Variants in SUPT16H observed in about 807,000 individuals in gnomAD.
SUPT16H encodes SPT16 homolog, facilitates chromatin remodeling subunit.
Under a neutral mutation model 136.2 loss-of-function variants are expected in SUPT16H, and 24 were observed. The observed-to-expected ratio is 0.18, with a 90% CI of 0.13 to 0.25. The LOEUF (loss-of-function observed/expected upper bound fraction) is 0.25. SUPT16H is among the 10% of genes least tolerant of loss of function. SUPT16H has a pLI of 1.00. For synonymous variants in SUPT16H, 415 were observed against 428.2 expected (o/e 0.97, Z 0.38); for missense variants, 623 against 1,270.2 (o/e 0.49, Z 7.74).
At chr14:21,360,681 A>G in intron 17 of SUPT16H, 148 bp from the exon 18 acceptor site, 1 of 1,244,420 alleles carries the variant, frequency 8.0e-7, no homozygotes, top group Non-Finnish European at 1.1e-6. Flanking sequence ...CAGCAGTGTA[A>G]GTAGATTCCT....
chr14:21,365,794 A>AAAACC (rs1886653357), intron 8 of SUPT16H, among the ~76,000 whole-genome samples: 5 of 150,378 alleles, frequency 3.3e-5, no homozygotes, highest in African/African-American at 1.2e-4. Context: ...AAACCAAAAC[A>AAAACC]AAAAAAAACC....
chr14:21,370,610 A>C, intron 3 of SUPT16H, 122 bp from the exon 4 acceptor site: 1 of 1,084,940 alleles, frequency 9.2e-7, no homozygotes, highest in Non-Finnish European at 1.3e-6. Flanking sequence ...TCCCATCCCC[A>C]CCTACTTTTT....
chr14:21,357,837 T>G, intron 21 of SUPT16H, 90 bp downstream of exon 21: 1 of 1,286,568 alleles, frequency 7.8e-7, no homozygotes, highest in Non-Finnish European at 1.1e-6. Context: ...ATATCAAAAA[T>G]GAAAATGACA....
intron 1 of SUPT16H, among the ~76,000 whole-genome samples, chr14:21,381,405 G>C (rs1214785658): frequency 1.3e-5 from 2 of 152,084 alleles, no homozygotes; most frequent in African/African-American, 4.8e-5. Context: ...AAGCTTAGTA[G>C]CCTATCAGTT....
At chr14:21,372,261 C>G in intron 2 of SUPT16H, 1 of 508,632 alleles carries the variant, frequency 2.0e-6, no homozygotes, top group South Asian at 2.8e-5. Context: ...GTATTATTTT[C>G]TCTACGTTTA....
rs1304991882 is a variant in SUPT16H at position 21,352,555 on chromosome 14, T to C, written c.*118A>G. The C allele has an allele frequency of 9.1e-6, 14 of 1,540,124 alleles. No homozygotes were observed. The highest frequency in any genetic ancestry group is 6.0e-5 in the South Asian group (5 of 83,044). On this transcript the variant is annotated 3_prime_UTR_variant, in exon 26 of 26. Coordinates refer to ENST00000216297, the MANE Select transcript of SUPT16H (RefSeq NM_007192.4). ...CCACACAAATGGCCCCCTAAACCCA[T>C]AAACACAAATGGCAAAACTTCAAAT... is the stretch of plus-strand genomic sequence containing the variant.
intron 22 of SUPT16H, 29 bp from the exon 23 acceptor site, chr14:21,354,569 T>C: frequency 6.2e-7 from 1 of 1,610,928 alleles, no homozygotes; most frequent in South Asian, 1.1e-5. Context: ...CAAAGTCAAA[T>C]CAATCTTCTG....
rs574811309 is a variant in SUPT16H at position 21,352,597 on chromosome 14, A to G, written c.*76T>C. 6.3e-7 allele frequency: 1 copy of G among 1,597,628 alleles called. No homozygotes were observed. Among genetic ancestry groups the G allele is most frequent in the East Asian group, 2.2e-5 (1 of 44,702 alleles). On this transcript the variant is annotated 3_prime_UTR_variant, in exon 26 of 26. Coordinates refer to ENST00000216297, the MANE Select transcript of SUPT16H (RefSeq NM_007192.4). ...ACTTCAAATGAAAACGAAAGGAAAAATACAGTTTCTATGTCATGTAAAATT... is the reference window on the plus strand; with the variant it reads ...ACTTCAAATGAAAACGAAAGGAAAAGTACAGTTTCTATGTCATGTAAAATT...
At chr14:21,377,644 GAC>G (rs764403728) in intron 1 of SUPT16H, among the ~76,000 whole-genome samples, 81 of 148,444 alleles carry the variant, frequency 5.5e-4, no homozygotes, top group Non-Finnish European at 1.1e-3. Context: ...CTTTTTTTGA[GAC>G]ACAGTCTCAC....
Position 21,373,423 on chromosome 14 carries a change from T to A in SUPT16H, c.74A>T (p.Glu25Val). The change falls in exon 2 of 26, where the codon GAA becomes GTA. Residue 25 changes from glutamate to valine, a missense_variant. Glu to Val is a moderately radical substitution (Grantham distance 121). Transcript: ENST00000216297. ...GGCATCAACGTTGGCATACTCATCT[T>A]CTCCTTTCTGAAAAGAGTGGGTAAT... ...KRLYSNWRKG[E>V]DEYANVDAIV... The A allele has an allele frequency of 6.2e-7, 1 of 1,613,622 alleles. No homozygotes were observed. The highest frequency in any genetic ancestry group is 1.7e-4 in the Middle Eastern group (1 of 6,060).
intron 1 of SUPT16H, among the ~76,000 whole-genome samples, chr14:21,380,391 CT>C (rs750954850): frequency 7.4e-5 from 11 of 148,292 alleles, no homozygotes; most frequent in Non-Finnish European, 1.5e-4. Flanking sequence ...CCACCTCAGC[CT>C]CTGGAGTAGC....
chr14:21,356,897 G>C (rs184862822), intron 22 of SUPT16H, among the ~76,000 whole-genome samples: 1 of 152,238 alleles, frequency 6.6e-6, no homozygotes, highest in Non-Finnish European at 1.5e-5. Context: ...GGAGACCGAC[G>C]TGGGAGGATC....
intron 1 of SUPT16H, among the ~76,000 whole-genome samples, chr14:21,381,761 C>T (rs1286629394): frequency 6.7e-6 from 1 of 150,152 alleles, no homozygotes; most frequent in African/African-American, 2.4e-5. Context: ...AGGCACACAC[C>T]ACCATGCCTG....
chr14:21,379,506 C>A (rs1886974632), intron 1 of SUPT16H, among the ~76,000 whole-genome samples: 1 of 150,638 alleles, frequency 6.6e-6, no homozygotes, highest in East Asian at 1.9e-4. Context: ...AAAAAAAAAT[C>A]TCAATCCATC....
chr14:21,359,635 C>T (rs778212940), intron 18 of SUPT16H, 26 bp from the exon 19 acceptor site: 6 of 1,608,682 alleles, frequency 3.7e-6, no homozygotes, highest in South Asian at 1.1e-5. Flanking sequence ...AGAAAGAACA[C>T]AGAAGTCAGA....
At chr14:21,355,363 C>T (rs937825879) in intron 22 of SUPT16H, among the ~76,000 whole-genome samples, 5 of 151,848 alleles carry the variant, frequency 3.3e-5, no homozygotes, top group African/African-American at 4.8e-5. Context: ...CATGGTAGCA[C>T]GCGCCTGTAG....
chr14:21,371,294 C>T (rs1886780237), intron 3 of SUPT16H, among the ~76,000 whole-genome samples: 1 of 151,968 alleles, frequency 6.6e-6, no homozygotes, highest in Non-Finnish European at 1.5e-5. Context: ...CCAGACTATT[C>T]CTTTTTTTAA....
At chr14:21,357,442 T>C in intron 21 of SUPT16H, 76 bp from the exon 22 acceptor site, 1 of 1,385,784 alleles carries the variant, frequency 7.2e-7, no homozygotes, top group Non-Finnish European at 9.5e-7. Context: ...ACTTTCATGA[T>C]CTAAATCACT....
chr14:21,379,184 C>T lies in SUPT16H; in HGVS notation c.66+4678G>A, dbSNP rs551667992. On this transcript the variant is annotated intron_variant, in intron 1 of 25. Transcript: ENST00000216297. Reference sequence around the variant, plus strand: ...GGTGTGATGGCTCATATCTGTAATCCCAGCACTTTGGGAGGCTGGGGTGGG... The same window carrying T: ...GGTGTGATGGCTCATATCTGTAATCTCAGCACTTTGGGAGGCTGGGGTGGG... Among the ~76,000 whole-genome samples the T allele has an allele frequency of 1.4e-4, 22 of 151,990 alleles. No individual in the cohort carries two copies. The East Asian group carries it at 4.3e-3, about 29-fold the overall frequency.
Sources: allele counts gnomAD v4.1 joint callset (sites outside exome capture counted in the v4.1 genomes callset), GRCh38; gene constraint gnomAD v4.1.1; transcripts MANE v1.5; gene names NCBI Gene and HGNC (gene_info 2026-07-23, HGNC 2026-07-21).